The following DNAH9 variants were observed in gnomAD, a reference collection of about 807,000 sequenced individuals.
DNAH9 encodes the protein dynein axonemal heavy chain 9.
Under a neutral mutation model 471.6 loss-of-function variants are expected in DNAH9, and 345 were observed. The ratio of observed to expected loss-of-function variants is 0.73; its 90% CI spans 0.67 to 0.80. The LOEUF is 0.80. DNAH9 is among the 30% of genes least tolerant of loss of function. The pLI is 0.00. For missense variants in DNAH9, 5,407 were observed against 5,609.2 expected, an observed-to-expected ratio of 0.96 and a Z score of 1.15; for synonymous variants, 2,093 against 2,123.6, an observed-to-expected ratio of 0.99 and a Z score of 0.40.
At chr17:11,784,685 C>A in intron 41 of DNAH9, 146 bp downstream of exon 41, 1 of 1,191,808 alleles carries the variant, frequency 8.4e-7, no homozygotes, top group Non-Finnish European at 1.2e-6. Context: ...AGCAGGTACA[C>A]ACAGTGCCAT....
chr17:11,810,921 C>G (rs1203202089), intron 45 of DNAH9, among the ~76,000 whole-genome samples: 1 of 152,082 alleles, frequency 6.6e-6, no homozygotes, highest in African/African-American at 2.4e-5. Flanking sequence ...TGTGAAGTGG[C>G]CTGTGACGCT....
chr17:11,945,923 C>A (rs142344388), intron 67 of DNAH9, among the ~76,000 whole-genome samples: 1 of 151,348 alleles, frequency 6.6e-6, no homozygotes, highest in East Asian at 2.0e-4. Context: ...ATTAGCCGGG[C>A]GTAGTGGTGG....
chr17:11,738,909 TAAG>T lies in DNAH9; in HGVS notation c.5848_5850del (p.Lys1950del), dbSNP rs1388774433. On this transcript the variant is annotated inframe_deletion, in exon 29 of 69. Transcript: ENST00000262442. ...AAAGCATTCAAGATGCGATTAGAGA[TAAG>T]AAGCAGTGGTTCAGCTTCCTTGGGG... 1.9e-6 allele frequency: 3 copies of T among 1,614,034 alleles called. No homozygotes were observed. The Admixed American group carries it at 5.0e-5, about 27-fold the overall frequency.
chr17:11,722,332 C>T (rs558004642), intron 27 of DNAH9, among the ~76,000 whole-genome samples: 11 of 152,252 alleles, frequency 7.2e-5, no homozygotes, highest in Admixed American at 7.2e-4. Context: ...AAAGGAACTG[C>T]AGGCTTCGGA....
In DNAH9 at chr17:11,930,015, G is replaced by T; in HGVS notation, c.12027G>T (p.Glu4009Asp). 6.2e-7 allele frequency: 1 copy of T among 1,614,152 alleles called. No homozygotes were observed. The highest frequency in any genetic ancestry group is 8.5e-7 in the Non-Finnish European group (1 of 1,180,030). ...EGHIIPQGILENSIKITNEPP... is the reference protein window; with the variant it reads ...EGHIIPQGILDNSIKITNEPP... ...ACATCATCCCCCAGGGCATCCTGGA[G>T]AACTCCATTAAGATCACCAATGAGC... Residue 4009 changes from glutamate to aspartate, a missense_variant, in exon 63 of 69, where the codon GAG becomes GAT. Around this residue, in one of 3 missense-constraint regions of DNAH9, gnomAD observed 4,636 missense variants for 4,900.3 expected, o/e 0.95. Transcript: ENST00000262442.
At chr17:11,734,884 G>A (rs948305000) in intron 28 of DNAH9, among the ~76,000 whole-genome samples, 2 of 152,162 alleles carry the variant, frequency 1.3e-5, no homozygotes, top group African/African-American at 4.8e-5. Context: ...GCTATGAATG[G>A]GGCCATGTGG....
Position 11,636,754 on chromosome 17 carries a change from A to C in DNAH9, c.1756A>C (p.Ser586Arg). The change falls in exon 9 of 69, where the codon AGT becomes CGT. Residue 586 changes from serine (S) to arginine (R), a missense_variant. Coordinates refer to ENST00000262442, the MANE Select transcript of DNAH9 (RefSeq NM_001372.4). ...TCTGGATGCAGTGAGGATGATCTACAGTCAGCACGTCCAGGAGGAAGCAGA... is the reference window on the plus strand; with the variant it reads ...TCTGGATGCAGTGAGGATGATCTACCGTCAGCACGTCCAGGAGGAAGCAGA... ...KDLDAVRMIY[S>R]QHVQEEAELG... The C allele has an allele frequency of 1.2e-6, 2 of 1,614,166 alleles. No individual in the cohort carries two copies. Among genetic ancestry groups the C allele is most frequent in the Non-Finnish European group, 1.7e-6 (2 of 1,179,986 alleles).
At chr17:11,894,592 G>A (rs1973166364) in intron 59 of DNAH9, 96 bp downstream of exon 59, 3 of 1,503,144 alleles carry the variant, frequency 2.0e-6, no homozygotes, top group South Asian at 1.2e-5. Context: ...CTCTGTTGGA[G>A]TTCAAGCATG....
chr17:11,902,635 C>A, intron 59 of DNAH9, 84 bp from the exon 60 acceptor site: 2 of 1,217,004 alleles, frequency 1.6e-6, no homozygotes, highest in Non-Finnish European at 2.3e-6. Context: ...GTAGATAAGA[C>A]CATCTGGCCC....
At chr17:11,718,827 C>G (rs1424507933) in intron 26 of DNAH9, among the ~76,000 whole-genome samples, 1 of 152,212 alleles carries the variant, frequency 6.6e-6, no homozygotes, top group African/African-American at 2.4e-5. Context: ...GAGGGAGCCT[C>G]TGCTCACTCA....
chr17:11,825,087 T>C (rs947575853), intron 48 of DNAH9, among the ~76,000 whole-genome samples: 6 of 152,176 alleles, frequency 3.9e-5, no homozygotes, highest in Non-Finnish European at 8.8e-5. Flanking sequence ...GTCTTTCCCT[T>C]TGTATGATGA....
intron 48 of DNAH9, among the ~76,000 whole-genome samples, chr17:11,824,631 T>C (rs1271256644): frequency 6.6e-6 from 1 of 152,226 alleles, no homozygotes; most frequent in Admixed American, 6.5e-5. Context: ...TAATAGTGTG[T>C]AATATTGCTT....
intron 61 of DNAH9, among the ~76,000 whole-genome samples, chr17:11,919,412 A>ACT (rs1974059636): frequency 1.3e-5 from 2 of 148,336 alleles, no homozygotes; most frequent in South Asian, 4.4e-4. Context: ...GGAGAATGGC[A>ACT]TGAACCCGGG....
rs1437511401 is a variant in DNAH9, at chr17:11,623,952, C to T, written c.1350+4171C>T. ...TGTTGTGCACATCCACTCTTCCTCTCTGGGTGCCTGCTAAATGCCAGAGGT... is the reference window on the plus strand; with the variant it reads ...TGTTGTGCACATCCACTCTTCCTCTTTGGGTGCCTGCTAAATGCCAGAGGT... On this transcript the variant is annotated intron_variant, in intron 6 of 68. Transcript: ENST00000262442. This position sits in a 1 kb window ranked among gnomAD's most constrained non-coding sequence, Gnocchi z 4.1. 6.6e-6 allele frequency among the ~76,000 whole-genome samples: 1 copy of T among 152,168 alleles called. No individual in the cohort carries two copies. Among genetic ancestry groups the T allele is most frequent in the Non-Finnish European group, 1.5e-5 (1 of 68,036 alleles).
At chr17:11,833,638 A>G (rs1023060316) in intron 48 of DNAH9, among the ~76,000 whole-genome samples, 2 of 152,146 alleles carry the variant, frequency 1.3e-5, no homozygotes, top group Non-Finnish European at 2.9e-5. Flanking sequence ...GCCACTTGCT[A>G]TAGGGGTTTT....
chr17:11,657,958 C>T (rs2073684894), intron 14 of DNAH9, among the ~76,000 whole-genome samples: 2 of 151,942 alleles, frequency 1.3e-5, no homozygotes, highest in Non-Finnish European at 1.5e-5. Context: ...ATATGTCCTG[C>T]AATTCAGTTT....
intron 66 of DNAH9, among the ~76,000 whole-genome samples, chr17:11,941,101 T>A (rs1019621922): frequency 1.3e-5 from 2 of 152,136 alleles, no homozygotes; most frequent in African/African-American, 4.8e-5. Context: ...ATCATTGTGC[T>A]CCTGGGAAAC....
intron 67 of DNAH9, among the ~76,000 whole-genome samples, chr17:11,958,948 CCTA>C (rs1975841175): frequency 6.6e-6 from 1 of 151,882 alleles, no homozygotes; most frequent in Non-Finnish European, 1.5e-5. Flanking sequence ...ATGCGGTAAT[CCTA>C]GGAATACAAG....
At position 11,948,090 on chromosome 17, in the gene DNAH9, G is replaced by A. The variant is rs114687726; in HGVS notation, c.12843+5605G>A. On this transcript the variant is annotated intron_variant, in intron 67 of 68. Coordinates refer to ENST00000262442, the MANE Select transcript of DNAH9 (RefSeq NM_001372.4). ...AGGAACTGATTTTTATCATTCAAAC[G>A]TGTGATGGCATCAGGCTTTTTTTCT... Among the ~76,000 whole-genome samples the A allele has an allele frequency of 9.1e-3, 1,377 of 151,852 alleles. 23 individuals are homozygous for A. Among genetic ancestry groups the A allele is most frequent in the African/African-American group, 0.032 (1,323 of 41,378 alleles).
Sources: allele counts gnomAD v4.1 joint callset (sites outside exome capture counted in the v4.1 genomes callset), GRCh38; gene constraint gnomAD v4.1.1; regional missense constraint gnomAD v4.1.1; non-coding constraint Gnocchi (gnomAD v3.1); transcripts MANE v1.5; gene names NCBI Gene and HGNC (gene_info 2026-07-23, HGNC 2026-07-21).